Variants in NRG1 observed in about 807,000 individuals in gnomAD.
NRG1 encodes the protein neuregulin 1.
In NRG1, 18 loss-of-function variants were observed where a neutral mutation model predicts 63.8. The ratio of observed to expected loss-of-function variants is 0.28; its 90% CI spans 0.19 to 0.42. NRG1 has a LOEUF of 0.42. NRG1 is among the 10% of genes least tolerant of loss of function. NRG1 has a pLI of 1.00. For missense variants in NRG1, 762 were observed against 814.7 expected (o/e 0.94, Z 0.79); for synonymous variants, 302 against 301.3 (o/e 1.00, Z -0.02).
At chr8:32,571,039 C>A (rs115933162) in intron 1 of NRG1, among the ~76,000 whole-genome samples, 1 of 152,044 alleles carries the variant, frequency 6.6e-6, no homozygotes, top group Non-Finnish European at 1.5e-5. Context: ...ACATGAACTG[C>A]GCCTGGTTAG....
chr8:32,077,970 A>G (rs1295394595), intron 1 of NRG1, among the ~76,000 whole-genome samples: 4 of 152,210 alleles, frequency 2.6e-5, no homozygotes, highest in Admixed American at 2.0e-4. Context: ...CACACTCAGA[A>G]GTCAGTAGGT....
intron 1 of NRG1, among the ~76,000 whole-genome samples, chr8:32,089,503 G>A (rs559912847): frequency 3.3e-5 from 5 of 152,092 alleles, no homozygotes; most frequent in Admixed American, 2.0e-4. Context: ...TATTTCAAAC[G>A]GAAAATTTTT....
chr8:32,232,067 T>TTAATTTTTG (rs770479625), intron 1 of NRG1, among the ~76,000 whole-genome samples: 89 of 150,134 alleles, frequency 5.9e-4, no homozygotes, highest in Non-Finnish European at 9.4e-4. Context: ...CCATGCCTGG[T>TTAATTTTTG]TAATTTTTGT....
intron 1 of NRG1, among the ~76,000 whole-genome samples, chr8:32,420,522 T>C (rs1245935141): frequency 4.4e-5 from 6 of 135,058 alleles, no homozygotes; most frequent in Non-Finnish European, 9.8e-5. Context: ...ACCACCCTCA[T>C]CTCTCTCTCT....
chr8:32,771,706 TAAAAAA>T (rs36131405), downstream of NRG1, among the ~76,000 whole-genome samples: 1 of 80,234 alleles, frequency 1.2e-5, no homozygotes, highest in African/African-American at 4.5e-5. Flanking sequence ...TCCATTTCTT[TAAAAAA>T]AAAATATATA....
chr8:32,318,789 C>T (rs757893952), intron 1 of NRG1, among the ~76,000 whole-genome samples: 4 of 152,140 alleles, frequency 2.6e-5, no homozygotes, highest in Non-Finnish European at 4.4e-5. Flanking sequence ...GTTGCAATTC[C>T]GTTTGCAATT....
At chr8:31,757,958 G>A (rs1335425137) in intron 1 of NRG1, among the ~76,000 whole-genome samples, 1 of 151,908 alleles carries the variant, frequency 6.6e-6, no homozygotes, top group African/African-American at 2.4e-5. Flanking sequence ...CACTCATAGA[G>A]GCAACCACTG....
chr8:32,077,366 C>T (rs1586933435), intron 1 of NRG1, among the ~76,000 whole-genome samples: 1 of 151,970 alleles, frequency 6.6e-6, no homozygotes, highest in African/African-American at 2.4e-5. Context: ...AACTTCATCC[C>T]CTCCCCCCCA....
chr8:31,992,628 AC>A (rs896837644), intron 1 of NRG1, among the ~76,000 whole-genome samples: 1 of 151,978 alleles, frequency 6.6e-6, no homozygotes, highest in African/African-American at 2.4e-5. Flanking sequence ...TTTCTGAAAA[AC>A]TTTCTAATCA....
chr8:32,317,718 A>G lies in NRG1; in HGVS notation c.38-278110A>G, dbSNP rs528860763. ...CAGAACAAATGCAAGGATAAAATAG[A>G]TAAAAATATCTCCCCACCCTAATTG... On this transcript the variant is annotated intron_variant, in intron 1 of 10. Coordinates refer to the NRG1 transcript ENST00000519301. Among the ~76,000 whole-genome samples the G allele has an allele frequency of 3.9e-5, 6 of 152,358 alleles. No individual in the cohort carries two copies. The South Asian group carries it at 1.2e-3, about 32-fold the overall frequency.
intron 1 of NRG1, among the ~76,000 whole-genome samples, chr8:31,830,632 C>T (rs1483745262): frequency 6.6e-6 from 1 of 151,962 alleles, no homozygotes; most frequent in African/African-American, 2.4e-5. Context: ...GTTTCCTGGC[C>T]TTGGCTCTAT....
At chr8:32,182,660 T>C (rs1010970622) in intron 1 of NRG1, among the ~76,000 whole-genome samples, 3 of 152,198 alleles carry the variant, frequency 2.0e-5, no homozygotes, top group African/African-American at 7.2e-5. Flanking sequence ...CACTGACCTC[T>C]CTTCCCTCCT....
At chr8:32,601,041 T>C (rs1588611739) in intron 2 of NRG1, among the ~76,000 whole-genome samples, 1 of 152,110 alleles carries the variant, frequency 6.6e-6, no homozygotes, top group East Asian at 1.9e-4. Context: ...TCAAGGAAGA[T>C]TTGGCTCATT....
At chr8:32,659,817 A>G (rs977066554) in intron 5 of NRG1, among the ~76,000 whole-genome samples, 2 of 151,696 alleles carry the variant, frequency 1.3e-5, no homozygotes, top group African/African-American at 4.8e-5. Context: ...TGCTCATTCT[A>G]TTTTTTCTAC....
intron 1 of NRG1, among the ~76,000 whole-genome samples, chr8:31,847,052 A>C (rs1344296145): frequency 6.6e-6 from 1 of 152,222 alleles, no homozygotes; most frequent in Non-Finnish European, 1.5e-5. Context: ...AAAGGAAAGC[A>C]CTTATGGAAT....
At chr8:32,405,836 A>C (rs1224964548) in intron 1 of NRG1, among the ~76,000 whole-genome samples, 1 of 151,808 alleles carries the variant, frequency 6.6e-6, no homozygotes, top group Non-Finnish European at 1.5e-5. Context: ...TCATTTCATT[A>C]GTAGGCTTTT....
At chr8:31,871,650 C>CA (rs1281528902) in intron 1 of NRG1, among the ~76,000 whole-genome samples, 9 of 151,746 alleles carry the variant, frequency 5.9e-5, no homozygotes, top group Non-Finnish European at 1.3e-4. Context: ...CAAAACAAAC[C>CA]AAAAAAACTG....
At chr8:32,667,572 A>G (rs1804526354) in intron 5 of NRG1, among the ~76,000 whole-genome samples, 1 of 152,204 alleles carries the variant, frequency 6.6e-6, no homozygotes, top group African/African-American at 2.4e-5. Flanking sequence ...CTTATTATAT[A>G]TTAAAAATGC....
intron 1 of NRG1, among the ~76,000 whole-genome samples, chr8:32,276,470 T>C (rs748331450): frequency 6.6e-6 from 1 of 152,200 alleles, no homozygotes; most frequent in Non-Finnish European, 1.5e-5. Flanking sequence ...AGATTAAAGG[T>C]ACTCTGCTTT....
Sources: gnomAD v4.1 joint callset for allele counts (sites outside exome capture counted in the v4.1 genomes callset) on GRCh38, gnomAD v4.1.1 for gene constraint, MANE v1.5 for transcripts, NCBI Gene and HGNC (gene_info 2026-07-23, HGNC 2026-07-21) for gene names.